Variants in FSTL5 observed in about 807,000 individuals in gnomAD.
The protein encoded by FSTL5 is follistatin like 5, also known as follistatin-related protein 5.
FSTL5 carries 62 observed loss-of-function variants against 89.1 expected under a neutral mutation model. That is an observed-to-expected ratio of 0.70 (90% confidence interval 0.57 to 0.86). The LOEUF is 0.86. Ranked by LOEUF, FSTL5 falls within the 40% of genes least tolerant of loss-of-function variation. The pLI is 0.00. For synonymous variants in FSTL5, 383 were observed against 346.2 expected (o/e 1.11, Z -1.18); for missense variants, 1,057 against 1,001.6 (o/e 1.06, Z -0.75).
intron 2 of FSTL5, among the ~76,000 whole-genome samples, chr4:162,052,940 C>T (rs1190703929): frequency 6.6e-6 from 1 of 151,512 alleles, no homozygotes; most frequent in Non-Finnish European, 1.5e-5. Context: ...TATAATAATA[C>T]TAATGAAAAC....
intron 3 of FSTL5, among the ~76,000 whole-genome samples, chr4:161,996,223 CCCATTTTAA>C (rs1262225886): frequency 6.6e-6 from 1 of 152,146 alleles, no homozygotes; most frequent in Non-Finnish European, 1.5e-5. Flanking sequence ...ATGGCAAAGC[CCCATTTTAA>C]CCATAAGCTA....
At chr4:161,766,896 G>A (rs1452231199) in intron 5 of FSTL5, among the ~76,000 whole-genome samples, 2 of 136,852 alleles carry the variant, frequency 1.5e-5, no homozygotes, top group African/African-American at 5.7e-5. Context: ...ATAGACAATA[G>A]ATGATAGATC....
At chr4:161,665,262 G>A (rs1736847889) in intron 6 of FSTL5, among the ~76,000 whole-genome samples, 1 of 151,862 alleles carries the variant, frequency 6.6e-6, no homozygotes, top group Admixed American at 6.6e-5. Flanking sequence ...TTTATTTTGA[G>A]ACAGAGTCTC....
At chr4:162,030,584 G>A (rs1737482660) in intron 3 of FSTL5, among the ~76,000 whole-genome samples, 2 of 152,100 alleles carry the variant, frequency 1.3e-5, no homozygotes, top group Admixed American at 1.3e-4. Context: ...CTTTTTCGGT[G>A]GATGGACAGT....
At chr4:162,123,220 G>A (rs1009848694) in intron 1 of FSTL5, among the ~76,000 whole-genome samples, 5 of 152,118 alleles carry the variant, frequency 3.3e-5, no homozygotes, top group Admixed American at 6.5e-5. Context: ...ATGAAGTGCT[G>A]CACAGGGAAC....
At chr4:161,714,939 G>A (rs970277714) in intron 6 of FSTL5, among the ~76,000 whole-genome samples, 3 of 151,980 alleles carry the variant, frequency 2.0e-5, no homozygotes, top group African/African-American at 7.2e-5. Flanking sequence ...CAAGTTTGAA[G>A]TTCACTTAAT....
At chr4:161,765,905 C>T (rs1199431910) in intron 5 of FSTL5, among the ~76,000 whole-genome samples, 1 of 151,894 alleles carries the variant, frequency 6.6e-6, no homozygotes, top group African/African-American at 2.4e-5. Context: ...AGCGATTCTC[C>T]TGCCTCAGCC....
At chr4:161,607,594 C>A (rs1734498840) in intron 7 of FSTL5, among the ~76,000 whole-genome samples, 1 of 152,048 alleles carries the variant, frequency 6.6e-6, no homozygotes. Context: ...TTACTGGTCA[C>A]TAATAAAGAC....
intron 3 of FSTL5, among the ~76,000 whole-genome samples, chr4:162,021,752 T>G (rs771836506): frequency 6.6e-6 from 1 of 152,158 alleles, no homozygotes; most frequent in Non-Finnish European, 1.5e-5. Context: ...GAGTGTGAAA[T>G]AATAGACATT....
chr4:162,047,884 G>C (rs1738246944), intron 2 of FSTL5, among the ~76,000 whole-genome samples: 1 of 151,994 alleles, frequency 6.6e-6, no homozygotes, highest in African/African-American at 2.4e-5. Flanking sequence ...TCGCCATATA[G>C]TATGTCCTTA....
At chr4:162,002,794 GT>G (rs200983257) in intron 3 of FSTL5, among the ~76,000 whole-genome samples, 93 of 137,728 alleles carry the variant, frequency 6.8e-4, no homozygotes, top group African/African-American at 2.1e-3. Context: ...TATTATTGTT[GT>G]TTTTTTTTTC....
Position 161,913,379 on chromosome 4 carries a change from C to T in FSTL5, c.409+7025G>A, listed in dbSNP as rs564881065. 7.2e-5 allele frequency among the ~76,000 whole-genome samples: 11 copies of T among 152,234 alleles called. No individual in the cohort carries two copies. The South Asian group carries it at 1.7e-3, about 23-fold the overall frequency. On this transcript the variant is annotated intron_variant, in intron 4 of 15. Transcript: ENST00000306100. ...TGCAGCCTAGGGACTTGGTGCCCTG[C>T]GTCCCAGTCACTCCAGCCATGGCTG...
intron 6 of FSTL5, among the ~76,000 whole-genome samples, chr4:161,710,451 C>T (rs1037340531): frequency 2.0e-5 from 3 of 152,078 alleles, no homozygotes; most frequent in African/African-American, 7.2e-5. Context: ...TCTGGTTTGG[C>T]TTTAGATTTT....
chr4:161,521,132 C>T (rs1364263318), intron 10 of FSTL5, among the ~76,000 whole-genome samples: 1 of 152,170 alleles, frequency 6.6e-6, no homozygotes, highest in African/African-American at 2.4e-5. Flanking sequence ...TTCATCCCAA[C>T]TCTTCAGTGT....
chr4:161,484,733 C>T (rs190508092), intron 12 of FSTL5, among the ~76,000 whole-genome samples: 10 of 152,226 alleles, frequency 6.6e-5, no homozygotes, highest in Non-Finnish European at 1.3e-4. Flanking sequence ...TTATTGAGAG[C>T]TTACTATGTG....
rs560442881 is a variant in FSTL5 at position 161,867,344 on chromosome 4, C to G, written c.409+53060G>C. Among the ~76,000 whole-genome samples, 9 of 152,032 alleles carry G rather than the reference C, an allele frequency of 5.9e-5. No individual in the cohort carries two copies. The South Asian group carries it at 1.9e-3, about 32-fold the overall frequency. On this transcript the variant is annotated intron_variant, in intron 4 of 15. Coordinates refer to ENST00000306100, the MANE Select transcript of FSTL5 (RefSeq NM_020116.5). ...ATTGATATATTTAATTTATCAGTAT[C>G]TCAAATTACTAATTACTAATCAATT... is the stretch of plus-strand genomic sequence containing the variant.
rs1400320478 is a variant in FSTL5, at chr4:161,566,125, TATATATATATAC to T, written c.1015+21318_1015+21329del. Reference sequence around the variant, plus strand: ...CTATATATATATATATATATATATATATATATATATACACACACACACACACACACCGTGGAA... The same window carrying T: ...CTATATATATATATATATATATATATACACACACACACACACACCGTGGAA... On this transcript the variant is annotated intron_variant, in intron 8 of 15. Transcript: ENST00000306100. 2.5e-3 allele frequency among the ~76,000 whole-genome samples: 187 copies of T among 75,538 alleles called. No homozygotes were observed. The East Asian group carries it at 0.03, about 12-fold the overall frequency. 49.6% of individuals were successfully genotyped at this position (75,538 alleles called of 152,430 possible).
At chr4:161,477,941 G>A (rs1207635352) in intron 13 of FSTL5, among the ~76,000 whole-genome samples, 2 of 152,008 alleles carry the variant, frequency 1.3e-5, no homozygotes, top group Admixed American at 1.3e-4. Context: ...GGAATGTATA[G>A]AAATTCACTA....
intron 5 of FSTL5, among the ~76,000 whole-genome samples, chr4:161,769,644 T>G (rs1741139514): frequency 6.6e-6 from 1 of 151,886 alleles, no homozygotes; most frequent in Non-Finnish European, 1.5e-5. Flanking sequence ...ACACCCTTCA[T>G]GATAAAAAGC....
Sources: allele counts gnomAD v4.1 joint callset (sites outside exome capture counted in the v4.1 genomes callset), GRCh38; gene constraint gnomAD v4.1.1; transcripts MANE v1.5; gene names NCBI Gene and HGNC (gene_info 2026-07-23, HGNC 2026-07-21).